Variants in MXD4 observed in about 807,000 individuals in gnomAD.
The protein encoded by MXD4 is MAX dimerization protein 4, also known as Mad4 homolog.
Under a neutral mutation model 24.5 loss-of-function variants are expected in MXD4, and 16 were observed. That is an observed-to-expected ratio of 0.65 (90% confidence interval 0.44 to 0.99). The LOEUF (loss-of-function observed/expected upper bound fraction) is 0.99, where lower values mean the gene tolerates loss of function less well. Ranked by LOEUF, MXD4 falls within the 50% of genes least tolerant of loss-of-function variation. The pLI, the probability that MXD4 is intolerant of heterozygous loss-of-function variation, is 0.00. For missense variants in MXD4, 301 were observed against 301.5 expected (o/e 1.00, Z 0.01); for synonymous variants, 164 against 134.2 (o/e 1.22, Z -1.54).
At chr4:2,261,257 G>C (rs1156819791) in intron 2 of MXD4, among the ~76,000 whole-genome samples, 2 of 152,162 alleles carry the variant, frequency 1.3e-5, no homozygotes, top group Non-Finnish European at 2.9e-5. Flanking sequence ...CCGAGCAGCA[G>C]AGTTCGGCTG....
chr4:2,261,636 G>T (rs2108792347), intron 2 of MXD4, 89 bp downstream of exon 2: 1 of 765,602 alleles, frequency 1.3e-6, no homozygotes, highest in Non-Finnish European at 1.7e-6. Context: ...TGAGGGCCGC[G>T]GGCCGGGAAT....
Position 2,248,287 on chromosome 4 carries a change from C to G in MXD4, c.*2257G>C, listed in dbSNP as rs1453979630. The G allele has an allele frequency of 6.6e-6, 1 of 152,518 alleles. No individual in the cohort carries two copies. Among genetic ancestry groups the G allele is most frequent in the African/African-American group, 2.4e-5 (1 of 41,474 alleles). 9.4% of individuals were successfully genotyped at this position (152,518 alleles called of 1,614,324 possible). The stretch of plus-strand genomic sequence containing the variant: ...GTGGGAACCACGGCCTCAAGAGCCA[C>G]AGGCTGAGCTGCCGGGAGGGTGGGC... On this transcript the variant is annotated 3_prime_UTR_variant, in exon 6 of 6. Coordinates refer to ENST00000337190, the MANE Select transcript of MXD4 (RefSeq NM_006454.3).
At chr4:2,260,467 C>G (rs932265534) in intron 2 of MXD4, 2 of 440,616 alleles carry the variant, frequency 4.5e-6, no homozygotes, top group Admixed American at 4.8e-5. Context: ...GCTTTGGATT[C>G]TCCATGCTGG....
Position 2,252,148 on chromosome 4 carries a change from C to T in MXD4, c.309+260G>A, listed in dbSNP as rs528457094. Among the ~76,000 whole-genome samples the T allele has an allele frequency of 9.2e-5, 14 of 152,290 alleles. No individual in the cohort carries two copies. The South Asian group carries it at 2.7e-3, about 29-fold the overall frequency. On this transcript the variant is annotated intron_variant, in intron 4 of 5. Transcript: ENST00000337190. ...CTCCATCCCAGTCTATGCTGCGATG[C>T]GGCTTCTTATGCCATCAGCACCCAA...
chr4:2,252,333 G>A, intron 4 of MXD4, 75 bp downstream of exon 4: 1 of 1,251,078 alleles, frequency 8.0e-7, no homozygotes, highest in South Asian at 1.2e-5. Flanking sequence ...AGGGTCACCT[G>A]TGAGCACCCC....
rs777817269 is a variant in MXD4 at position 2,252,566 on chromosome 4, G to A, written c.195-44C>T. ...GAACCATCAGGCTGGGGTGGGGGAG[G>A]GCAGCAGGCAGTTTCCAGGGCCCTG... is the stretch of plus-strand genomic sequence containing the variant. On this transcript the variant is annotated intron_variant, in intron 3 of 5. Coordinates refer to ENST00000337190, the MANE Select transcript of MXD4 (RefSeq NM_006454.3). 12 of 1,422,974 alleles carry A rather than the reference G, an allele frequency of 8.4e-6. No homozygotes were observed. The Admixed American group carries it at 1.2e-4, about 15-fold the overall frequency. The allele number at this position is 1,422,974 out of a possible 1,614,324, so 88.1% of individuals were successfully genotyped here. A position where few individuals can be genotyped will look rare whatever the true frequency, so the allele number is the denominator to read the frequency against.
At chr4:2,256,059 C>T (rs756616312) in intron 3 of MXD4, among the ~76,000 whole-genome samples, 7 of 152,194 alleles carry the variant, frequency 4.6e-5, no homozygotes, top group Non-Finnish European at 5.9e-5. Context: ...ACCTCCTGGA[C>T]GTGCCTGGGG....
intron 2 of MXD4, chr4:2,259,086 G>A (rs1260337441): frequency 7.4e-6 from 3 of 403,580 alleles, no homozygotes; most frequent in African/African-American, 2.1e-5. Context: ...AGCTCAGACT[G>A]CCTCGGGGCA....
rs143423944 is a variant in MXD4 at position 2,250,631 on chromosome 4, G to A, written c.543C>T (p.Asp181=). ...TGCCACTCTGCAGGCTGTAGTGGTC[G>A]TCCGCGTCACTGCTGCTGCCAACAC... is the stretch of plus-strand genomic sequence containing the variant. The part of the protein sequence containing the change: ...LDSVGSSSDA[D]DHYSLQSGTG... The change falls in exon 6 of 6, where the codon GAC becomes GAT. Residue 181 remains aspartate (D), a synonymous_variant. Transcript: ENST00000337190. 3.6e-4 allele frequency: 576 copies of A among 1,613,510 alleles called. 1 individual carries two copies. Among genetic ancestry groups the A allele is most frequent in the Non-Finnish European group, 4.7e-4 (550 of 1,179,946 alleles).
intron 2 of MXD4, chr4:2,258,920 C>G: frequency 2.2e-6 from 1 of 456,146 alleles, no homozygotes; most frequent in Non-Finnish European, 4.4e-6. Context: ...ACACAATTCC[C>G]AGCACCACAG....
In MXD4 at chr4:2,251,100, C is replaced by T. The variant is rs564226651; in HGVS notation, c.456G>A (p.Thr152=). The change falls in exon 5 of 6, where the codon ACG becomes ACA. Residue 152 remains threonine (T), a synonymous_variant. Transcript: ENST00000337190. The stretch of plus-strand genomic sequence containing the variant: ...ACGCCCCACCTTGCTCTGAGTCGTC[C>T]GTGGAGACAGCAGAGCCCGTGCTAT... ...RTDSTGSAVS[T]DDSEQEVDIE... 112 of 1,580,116 alleles carry T rather than the reference C, an allele frequency of 7.1e-5. 1 individual carries two copies. Among genetic ancestry groups the T allele is most frequent in the East Asian group, 6.6e-4 (29 of 43,672 alleles).
chr4:2,254,536 C>T (rs140338121), intron 3 of MXD4: 32 of 152,162 alleles, frequency 2.1e-4, no homozygotes, highest in African/African-American at 7.0e-4. Flanking sequence ...CAGAGAAAGA[C>T]ACGTTTGCAC....
intron 2 of MXD4, chr4:2,260,463 G>A (rs1222746849): frequency 2.3e-6 from 1 of 437,952 alleles, no homozygotes; most frequent in Non-Finnish European, 4.6e-6. Context: ...GTCAGCTTTG[G>A]ATTCTCCATG....
chr4:2,250,335 T>C lies in MXD4; in HGVS notation c.*209A>G, dbSNP rs1445354525. On this transcript the variant is annotated 3_prime_UTR_variant, in exon 6 of 6. Transcript: ENST00000337190. ...ATGTGGAAGCTGGGCCCTGCCTCCT[T>C]GCAGGGGACTCTGCCCAGCTGGAAG... The C allele has an allele frequency of 7.6e-6, 5 of 658,422 alleles. No individual in the cohort carries two copies. Among genetic ancestry groups the C allele is most frequent in the African/African-American group, 3.7e-5 (2 of 54,620 alleles). 40.8% of individuals were successfully genotyped at this position (658,422 alleles called of 1,614,324 possible).
intron 3 of MXD4, 116 bp downstream of exon 3, chr4:2,257,866 G>A: frequency 7.4e-7 from 1 of 1,358,362 alleles, no homozygotes; most frequent in Non-Finnish European, 1.0e-6. Context: ...CAAGGACACA[G>A]CCTGGCAGCA....
Position 2,250,450 on chromosome 4 carries a change from G to A in MXD4, c.*94C>T. ...GAGCTTCCAGAATGGCACAGCAGTG[G>A]GCCTGTGGAGAGGCTGGCGTCAACT... On this transcript the variant is annotated 3_prime_UTR_variant, in exon 6 of 6. Coordinates refer to ENST00000337190, the MANE Select transcript of MXD4 (RefSeq NM_006454.3). 1 of 1,386,482 alleles carries A rather than the reference G, an allele frequency of 7.2e-7. No homozygotes were observed. The highest frequency in any genetic ancestry group is 2.5e-5 in the East Asian group (1 of 39,728). 85.9% of individuals were successfully genotyped at this position (1,386,482 alleles called of 1,614,324 possible).
At chr4:2,258,652 C>G (rs748408443) in intron 2 of MXD4, among the ~76,000 whole-genome samples, 2 of 152,228 alleles carry the variant, frequency 1.3e-5, no homozygotes, top group Middle Eastern at 6.3e-3. Context: ...CTCGGGCTCA[C>G]ACACCTGCGT....
In MXD4 at chr4:2,259,154, G is replaced by A. The variant is rs996373209; in HGVS notation, c.165-1143C>T. ...CCTCAGGACCTGGCTCCTTCCTGAAGCTTCTTGCTGACCACTGCCTGCTTC... is the reference window on the plus strand; with the variant it reads ...CCTCAGGACCTGGCTCCTTCCTGAAACTTCTTGCTGACCACTGCCTGCTTC... On this transcript the variant is annotated intron_variant, in intron 2 of 5. Transcript: ENST00000337190. 1.6e-4 allele frequency: 53 copies of A among 338,034 alleles called. 1 individual carries two copies. Among genetic ancestry groups the A allele is most frequent in the Middle Eastern group, 1.1e-3 (1 of 938 alleles). 20.9% of individuals were successfully genotyped at this position (338,034 alleles called of 1,614,324 possible). A position where few individuals can be genotyped will look rare whatever the true frequency, so the allele number is the denominator to read the frequency against.
At position 2,249,803 on chromosome 4, in the gene MXD4, G is replaced by A. The variant is rs1462477252; in HGVS notation, c.*741C>T. The A allele has an allele frequency of 6.6e-6, 1 of 152,442 alleles. No individual in the cohort carries two copies. The highest frequency in any genetic ancestry group is 1.5e-5 in the Non-Finnish European group (1 of 68,222). The allele number at this position is 152,442 out of a possible 1,614,324, so 9.4% of individuals were successfully genotyped here. A position where few individuals can be genotyped will look rare whatever the true frequency, so the allele number is the denominator to read the frequency against. ...TGACCCCTGAAGGCCATCATCCCCA[G>A]AACATGTGACCTCGGGACGCCCAGG... On this transcript the variant is annotated 3_prime_UTR_variant, in exon 6 of 6. Coordinates refer to ENST00000337190, the MANE Select transcript of MXD4 (RefSeq NM_006454.3).
Sources: allele counts gnomAD v4.1 joint callset (sites outside exome capture counted in the v4.1 genomes callset), GRCh38; gene constraint gnomAD v4.1.1; transcripts MANE v1.5; gene names NCBI Gene and HGNC (gene_info 2026-07-23, HGNC 2026-07-21).